The following FKBP5 variants were observed in gnomAD, a reference collection of about 807,000 sequenced individuals.
The protein encoded by FKBP5 is FKBP prolyl isomerase 5.
FKBP5 carries 23 observed loss-of-function variants against 50.5 expected under a neutral mutation model. The ratio of observed to expected loss-of-function variants is 0.46; its 90% CI spans 0.33 to 0.65. FKBP5 has a LOEUF of 0.65. Among genes scored for constraint, FKBP5 ranks in the 30% least tolerant of loss-of-function variants. FKBP5 has a pLI of 0.02. For missense variants in FKBP5, 411 were observed against 553.1 expected, an observed-to-expected ratio of 0.74 and a Z score of 2.58; for synonymous variants, 176 against 190.6, an observed-to-expected ratio of 0.92 and a Z score of 0.63.
At chr6:35,640,164 T>C (rs1020304297) in intron 2 of FKBP5, among the ~76,000 whole-genome samples, 1 of 152,236 alleles carries the variant, frequency 6.6e-6, no homozygotes. Flanking sequence ...AATGTGTTCT[T>C]AGATGATTTC....
At chr6:35,726,350 C>T (rs1766709155) in intron 1 of FKBP5, among the ~76,000 whole-genome samples, 1 of 152,176 alleles carries the variant, frequency 6.6e-6, no homozygotes. Context: ...CCAAGGCTGC[C>T]TCTATGCTCT....
intron 3 of FKBP5, among the ~76,000 whole-genome samples, chr6:35,635,024 T>TAAAAAAAAAAA (rs1764267642): frequency 2.5e-5 from 1 of 40,654 alleles, no homozygotes; most frequent in African/African-American, 1.5e-4. Context: ...ACCCTGTCTC[T>TAAAAAAAAAAA]ACAAAAAAAA....
chr6:35,669,360 C>A (rs1765321667), intron 1 of FKBP5, among the ~76,000 whole-genome samples: 2 of 152,134 alleles, frequency 1.3e-5, no homozygotes, highest in South Asian at 4.1e-4. Context: ...TAGCATTGCA[C>A]AATATTCCTG....
At chr6:35,596,485 A>G (rs955774658) in intron 6 of FKBP5, among the ~76,000 whole-genome samples, 2 of 152,104 alleles carry the variant, frequency 1.3e-5, no homozygotes, top group African/African-American at 4.8e-5. Context: ...GGTCATCAAG[A>G]TTCTCAGTAA....
intron 5 of FKBP5, among the ~76,000 whole-genome samples, chr6:35,604,283 A>G (rs912093460): frequency 3.9e-5 from 6 of 152,192 alleles, no homozygotes; most frequent in Non-Finnish European, 8.8e-5. Context: ...TGTTGGGATT[A>G]CAAGCGTGAG....
chr6:35,648,783 T>C (rs1438940926), intron 1 of FKBP5, among the ~76,000 whole-genome samples: 2 of 152,046 alleles, frequency 1.3e-5, no homozygotes, highest in African/African-American at 4.8e-5. Context: ...ACCCCATCTC[T>C]ACTGAAAATA....
At chr6:35,641,779 C>T (rs754540262) in intron 2 of FKBP5, among the ~76,000 whole-genome samples, 6 of 151,928 alleles carry the variant, frequency 3.9e-5, no homozygotes, top group South Asian at 2.1e-4. Flanking sequence ...CCAAGGCAGG[C>T]GGATCACCTG....
intron 8 of FKBP5, chr6:35,583,445 C>A: frequency 1.0e-6 from 1 of 985,410 alleles, no homozygotes; most frequent in Non-Finnish European, 1.2e-6. Context: ...TCACATAGGG[C>A]ATTTTAATTT....
intron 1 of FKBP5, among the ~76,000 whole-genome samples, chr6:35,663,196 G>A (rs1181766477): frequency 2.6e-5 from 4 of 152,178 alleles, no homozygotes; most frequent in Non-Finnish European, 5.9e-5. Context: ...TGAGCTGAGG[G>A]GGAGGGCTTC....
chr6:35,579,415 T>C (rs561774299), intron 9 of FKBP5, among the ~76,000 whole-genome samples: 1 of 152,156 alleles, frequency 6.6e-6, no homozygotes, highest in South Asian at 2.1e-4. Context: ...TGAGACCAGA[T>C]ACCTAAAATA....
chr6:35,642,936 T>C (rs1166205885), intron 1 of FKBP5, 93 bp from the exon 2 acceptor site: 12 of 845,794 alleles, frequency 1.4e-5, no homozygotes, highest in Non-Finnish European at 2.2e-5. Flanking sequence ...TAACCTAAGA[T>C]TTACTTAGGG....
rs112633088 is a variant in FKBP5, at chr6:35,637,613, G to A, written c.106-455C>T. Among the ~76,000 whole-genome samples, 826 of 152,110 alleles carry A rather than the reference G, an allele frequency of 5.4e-3. 11 individuals are homozygous for A. Among genetic ancestry groups the A allele is most frequent in the African/African-American group, 0.018 (753 of 41,508 alleles). ...CGAGTAGCTGGGATTACAGGCGTGC[G>A]CCTCCGTGCTCAGCTAATTTTTGTA... On this transcript the variant is annotated intron_variant, in intron 2 of 10. Transcript: ENST00000357266.
chr6:35,686,813 T>C (rs1039901576), intron 1 of FKBP5, among the ~76,000 whole-genome samples: 3 of 149,220 alleles, frequency 2.0e-5, no homozygotes, highest in African/African-American at 5.2e-5. Context: ...AGTTGCCTAA[T>C]GCAATATTTT....
chr6:35,693,888 C>A (rs1561899290), upstream of FKBP5, among the ~76,000 whole-genome samples: 2 of 151,812 alleles, frequency 1.3e-5, no homozygotes, highest in Non-Finnish European at 2.9e-5. Context: ...CTATAATTTT[C>A]AGGCTTGTCT....
At chr6:35,705,248 ATATATATATATTTTTTTT>A (rs1766282274) in intron 2 of FKBP5, among the ~76,000 whole-genome samples, 3 of 4,300 alleles carry the variant, frequency 7.0e-4, no homozygotes, top group Non-Finnish European at 8.7e-4. Context: ...ATATATATAT[ATATATATATATTTTTTTT>A]TTTTTTTTTT....
intron 1 of FKBP5, among the ~76,000 whole-genome samples, chr6:35,683,632 A>ATTTTT (rs777451189): frequency 4.6e-5 from 5 of 109,364 alleles, no homozygotes; most frequent in Admixed American, 9.8e-5. Context: ...TGACTGGCTA[A>ATTTTT]TTTTTTTTTT....
At chr6:35,587,635 G>C (rs1762642526) in intron 7 of FKBP5, among the ~76,000 whole-genome samples, 1 of 152,172 alleles carries the variant, frequency 6.6e-6, no homozygotes, top group Non-Finnish European at 1.5e-5. Context: ...CTGCTAAATT[G>C]TATCAACTTG....
intron 1 of FKBP5, among the ~76,000 whole-genome samples, chr6:35,669,611 T>C (rs949923126): frequency 8.5e-5 from 13 of 152,190 alleles, no homozygotes; most frequent in African/African-American, 2.9e-4. Flanking sequence ...ACCCCAGCCA[T>C]GGTATTTCCA....
At chr6:35,701,852 ATT>A (rs908309048) in intron 2 of FKBP5, among the ~76,000 whole-genome samples, 1 of 136,602 alleles carries the variant, frequency 7.3e-6, no homozygotes, top group Non-Finnish European at 1.6e-5. Flanking sequence ...GGAATGCCGT[ATT>A]TTTTTTTTTC....
Sources: allele counts gnomAD v4.1 joint callset (sites outside exome capture counted in the v4.1 genomes callset), GRCh38; gene constraint gnomAD v4.1.1; transcripts MANE v1.5; gene names NCBI Gene and HGNC (gene_info 2026-07-23, HGNC 2026-07-21).